Variants in BMERB1 observed in about 807,000 individuals in gnomAD.
BMERB1 encodes bMERB domain-containing protein 1.
In BMERB1, 12 loss-of-function variants were observed where a neutral mutation model predicts 23.6. That is an observed-to-expected ratio of 0.51 (90% CI 0.33 to 0.82). BMERB1 has a LOEUF of 0.82. Ranked by LOEUF, BMERB1 falls within the 40% of genes least tolerant of loss-of-function variation. BMERB1 has a pLI of 0.03. For synonymous variants in BMERB1, 122 were observed against 96.6 expected, an observed-to-expected ratio of 1.26 and a Z score of -1.54; for missense variants, 247 against 255.4, an observed-to-expected ratio of 0.97 and a Z score of 0.22.
intron 1 of BMERB1, among the ~76,000 whole-genome samples, chr16:15,506,680 CT>C (rs2051595727): frequency 6.6e-6 from 1 of 151,918 alleles, no homozygotes; most frequent in African/African-American, 2.4e-5. Flanking sequence ...TTCCTTACCC[CT>C]TCCTAATAAT....
intron 2 of BMERB1, among the ~76,000 whole-genome samples, chr16:15,520,244 C>T (rs2051833773): frequency 6.6e-6 from 1 of 152,220 alleles, no homozygotes; most frequent in East Asian, 1.9e-4. Context: ...AGCCCTTAAC[C>T]TTAAGCTGTT....
chr16:15,551,255 C>T (rs1457658257), intron 2 of BMERB1, among the ~76,000 whole-genome samples: 3 of 152,172 alleles, frequency 2.0e-5, no homozygotes, highest in South Asian at 2.1e-4. Context: ...AAATGCAGTA[C>T]TGTGTGTACC....
chr16:15,468,817 CATTTTA>C, intron 1 of BMERB1, among the ~76,000 whole-genome samples: 1 of 152,048 alleles, frequency 6.6e-6, no homozygotes, highest in Non-Finnish European at 1.5e-5. Flanking sequence ...TATAGTTTTA[CATTTTA>C]CACTAAGTCT....
chr16:15,539,773 G>T (rs1177094309), intron 2 of BMERB1, among the ~76,000 whole-genome samples: 1 of 151,506 alleles, frequency 6.6e-6, no homozygotes, highest in Admixed American at 6.6e-5. Context: ...AACCCGGGAG[G>T]TGGAGGTTGC....
intron 2 of BMERB1, among the ~76,000 whole-genome samples, chr16:15,548,332 A>G (rs1457763710): frequency 1.3e-5 from 2 of 152,104 alleles, no homozygotes; most frequent in Non-Finnish European, 2.9e-5. Context: ...CATTGTCATC[A>G]TCATCGCCAC....
chr16:15,547,116 G>A (rs1035619157), intron 2 of BMERB1, among the ~76,000 whole-genome samples: 6 of 151,096 alleles, frequency 4.0e-5, no homozygotes, highest in East Asian at 1.9e-4. Context: ...AGGTTCAAGC[G>A]ATTCTCCTGC....
chr16:15,500,674 C>T (rs555965549), intron 1 of BMERB1, among the ~76,000 whole-genome samples: 10 of 152,268 alleles, frequency 6.6e-5, no homozygotes, highest in South Asian at 2.1e-4. Context: ...AGTTTTGAGA[C>T]GGAGTCTCAC....
chr16:15,513,232 G>A (rs1234820411), intron 1 of BMERB1, among the ~76,000 whole-genome samples: 1 of 152,128 alleles, frequency 6.6e-6, no homozygotes, highest in African/African-American at 2.4e-5. Flanking sequence ...TTCTTCACTG[G>A]AACATTCTTA....
chr16:15,485,078 A>G (rs1212527519), intron 1 of BMERB1, among the ~76,000 whole-genome samples: 1 of 152,224 alleles, frequency 6.6e-6, no homozygotes, highest in Non-Finnish European at 1.5e-5. Flanking sequence ...ACAGAGAGAG[A>G]TCGTTTCATT....
chr16:15,497,506 A>G (rs1249284451), intron 1 of BMERB1, among the ~76,000 whole-genome samples: 4 of 152,220 alleles, frequency 2.6e-5, no homozygotes, highest in Admixed American at 1.3e-4. Flanking sequence ...ATCAAGAAAG[A>G]AAAAAACTGT....
chr16:15,557,659 T>C (rs1194338462), intron 2 of BMERB1, among the ~76,000 whole-genome samples: 1 of 151,342 alleles, frequency 6.6e-6, no homozygotes, highest in Non-Finnish European at 1.5e-5. Flanking sequence ...GACTGAGAGG[T>C]TTCCAAGGAT....
chr16:15,499,888 G>T (rs535569510), intron 1 of BMERB1, among the ~76,000 whole-genome samples: 1 of 152,292 alleles, frequency 6.6e-6, no homozygotes, highest in Non-Finnish European at 1.5e-5. Context: ...TCGGGGTAGG[G>T]AGTAAGGAAA....
intron 1 of BMERB1, among the ~76,000 whole-genome samples, chr16:15,462,137 C>CGTTTTTTTTTTTTTTT (rs2051140678): frequency 1.8e-5 from 1 of 56,932 alleles, no homozygotes; most frequent in African/African-American, 7.9e-5. Context: ...GATGTCCTGC[C>CGTTTTTTTTTTTTTTT]TTTTTTTTTT....
At chr16:15,506,907 C>T (rs931729843) in intron 1 of BMERB1, among the ~76,000 whole-genome samples, 10 of 152,096 alleles carry the variant, frequency 6.6e-5, no homozygotes, top group African/African-American at 1.7e-4. Flanking sequence ...TAGACAGAAC[C>T]CTTGATGTTG....
rs59682331 is a variant in BMERB1 at position 15,538,155 on chromosome 16, A to G, written c.230+22727A>G. On this transcript the variant is annotated intron_variant, in intron 2 of 5. Coordinates refer to ENST00000300006, the MANE Select transcript of BMERB1 (RefSeq NM_033201.3). Reference sequence around the variant, plus strand: ...GTTTGGTGAGCTATACCAGGTCATTAAAAAGCCCTTAGATGGGCCGGATGC... The same window carrying G: ...GTTTGGTGAGCTATACCAGGTCATTGAAAAGCCCTTAGATGGGCCGGATGC... 7.9e-3 allele frequency among the ~76,000 whole-genome samples: 1,209 copies of G among 152,308 alleles called. 20 individuals are homozygous for G. The highest frequency in any genetic ancestry group is 0.027 in the African/African-American group (1,139 of 41,574).
intron 1 of BMERB1, among the ~76,000 whole-genome samples, chr16:15,508,196 G>T (rs1231713802): frequency 6.6e-6 from 1 of 152,120 alleles, no homozygotes; most frequent in African/African-American, 2.4e-5. Context: ...TAATGCACAG[G>T]TGCTGGCATG....
intron 1 of BMERB1, among the ~76,000 whole-genome samples, chr16:15,500,171 A>G (rs189345055): frequency 3.3e-5 from 5 of 152,072 alleles, no homozygotes; most frequent in African/African-American, 1.2e-4. Context: ...CCTGGCTCCC[A>G]ACAGACTACA....
rs548190822 is a variant in BMERB1 at position 15,499,830 on chromosome 16, C to T, written c.107-15475C>T. ...GTCGCAGCATTATTATTTAATAACC[C>T]GTGTCTTTCTTCAGCTCATCAAAGA... On this transcript the variant is annotated intron_variant, in intron 1 of 5. Transcript: ENST00000300006. Among the ~76,000 whole-genome samples, 10 of 152,280 alleles carry T rather than the reference C, an allele frequency of 6.6e-5. No homozygotes were observed. In the East Asian group the frequency reaches 7.7e-4, roughly 12 times the overall value.
chr16:15,578,827 C>T (rs920406969), intron 3 of BMERB1, among the ~76,000 whole-genome samples: 15 of 152,158 alleles, frequency 9.9e-5, no homozygotes, highest in African/African-American at 3.4e-4. Flanking sequence ...GGCCTCATTT[C>T]TTAATACTAT....
Sources: gnomAD v4.1 joint callset for allele counts (sites outside exome capture counted in the v4.1 genomes callset) on GRCh38, gnomAD v4.1.1 for gene constraint, MANE v1.5 for transcripts, NCBI Gene and HGNC (gene_info 2026-07-23, HGNC 2026-07-21) for gene names.